Variants in KIAA1217 observed in about 807,000 individuals in gnomAD.
The protein encoded by KIAA1217 is KIAA1217.
Under a neutral mutation model 163.9 loss-of-function variants are expected in KIAA1217, and 88 were observed. The observed-to-expected ratio is 0.54, with a 90% CI of 0.45 to 0.64. The LOEUF (loss-of-function observed/expected upper bound fraction) is 0.64. Ranked by LOEUF, KIAA1217 falls within the 30% of genes least tolerant of loss-of-function variation. The pLI, the probability that KIAA1217 is intolerant of heterozygous loss-of-function variation, is 0.00. For missense variants in KIAA1217, 2,372 were observed against 2,475.0 expected, an observed-to-expected ratio of 0.96 and a Z score of 0.88; for synonymous variants, 903 against 923.1, an observed-to-expected ratio of 0.98 and a Z score of 0.39.
At chr10:23,812,959 T>C (rs1837141691) in intron 1 of KIAA1217, among the ~76,000 whole-genome samples, 2 of 150,464 alleles carry the variant, frequency 1.3e-5, no homozygotes, top group African/African-American at 5.0e-5. Context: ...GGTGTAAACA[T>C]AGGAAAGGAA....
chr10:24,419,189 A>G (rs1402276338), intron 3 of KIAA1217, among the ~76,000 whole-genome samples: 2 of 151,408 alleles, frequency 1.3e-5, no homozygotes, highest in East Asian at 1.9e-4. Context: ...AAAAAAAAAA[A>G]AGAAAGAAAA....
chr10:23,874,639 A>G (rs1463402432), intron 1 of KIAA1217, among the ~76,000 whole-genome samples: 3 of 151,978 alleles, frequency 2.0e-5, no homozygotes, highest in African/African-American at 7.2e-5. Flanking sequence ...TCTTTTTTAA[A>G]CCACCTGATG....
chr10:24,282,670 C>G (rs746287743), intron 2 of KIAA1217, among the ~76,000 whole-genome samples: 2 of 151,830 alleles, frequency 1.3e-5, no homozygotes, highest in African/African-American at 2.4e-5. Context: ...TTTGTGGGTT[C>G]TTTGTTTTTT....
chr10:24,497,138 C>T (rs781077853), intron 8 of KIAA1217, among the ~76,000 whole-genome samples: 2 of 152,184 alleles, frequency 1.3e-5, no homozygotes, highest in Non-Finnish European at 2.9e-5. Context: ...GCTAGGAAGT[C>T]AGCTACAAGA....
chr10:23,934,570 T>C (rs1470141206), intron 1 of KIAA1217, among the ~76,000 whole-genome samples: 11 of 78,010 alleles, frequency 1.4e-4, no homozygotes, highest in African/African-American at 2.6e-4. Context: ...TATATATATA[T>C]ATATATATAT....
At chr10:23,838,469 T>A (rs542250992) in intron 1 of KIAA1217, among the ~76,000 whole-genome samples, 1 of 152,116 alleles carries the variant, frequency 6.6e-6, no homozygotes, top group South Asian at 2.1e-4. Context: ...TCCTGTTTTT[T>A]TTTTCTTTTT....
intron 2 of KIAA1217, among the ~76,000 whole-genome samples, chr10:24,282,781 G>C (rs12262017): frequency 0.024 from 3,455 of 142,156 alleles, 137 homozygotes; most frequent in African/African-American, 0.084. Context: ...TCTCTAAGGA[G>C]TTCTAAACCA....
intron 2 of KIAA1217, among the ~76,000 whole-genome samples, chr10:24,191,334 G>A (rs2066709293): frequency 6.6e-6 from 1 of 152,188 alleles, no homozygotes; most frequent in African/African-American, 2.4e-5. Context: ...CAATAGGAAA[G>A]TTCTCCATTC....
chr10:24,026,265 A>G (rs752046908), intron 2 of KIAA1217, among the ~76,000 whole-genome samples: 26 of 151,824 alleles, frequency 1.7e-4, no homozygotes, highest in Non-Finnish European at 3.2e-4. Context: ...TCTTGATATC[A>G]TGATAATTCT....
intron 1 of KIAA1217, among the ~76,000 whole-genome samples, chr10:23,982,041 G>A (rs1283216921): frequency 2.0e-5 from 3 of 151,780 alleles, no homozygotes; most frequent in African/African-American, 7.3e-5. Flanking sequence ...GGAACTGGCT[G>A]CTGTAGTAGT....
intron 2 of KIAA1217, among the ~76,000 whole-genome samples, chr10:24,237,660 T>C (rs2072473694): frequency 6.6e-6 from 1 of 152,246 alleles, no homozygotes; most frequent in Non-Finnish European, 1.5e-5. Context: ...TCTTCAGATT[T>C]GACTGAATCA....
intron 2 of KIAA1217, among the ~76,000 whole-genome samples, chr10:24,105,814 T>C (rs1156577466): frequency 6.6e-6 from 1 of 152,200 alleles, no homozygotes; most frequent in Non-Finnish European, 1.5e-5. Flanking sequence ...GAATGGAAGC[T>C]ATGGCAACCA....
chr10:24,286,928 G>A (rs1446756253), intron 2 of KIAA1217, among the ~76,000 whole-genome samples: 3 of 152,148 alleles, frequency 2.0e-5, no homozygotes, highest in Admixed American at 2.0e-4. Context: ...TCAGTCATGG[G>A]GGAGTCTAAT....
At chr10:24,502,240 C>CTTTTTTTTTTTTTTTTT (rs772404852) in intron 9 of KIAA1217, among the ~76,000 whole-genome samples, 6 of 80,632 alleles carry the variant, frequency 7.4e-5, no homozygotes, top group East Asian at 4.1e-4. Flanking sequence ...GTCAGCCAAG[C>CTTTTTTTTTTTTTTTTT]TTTTTTTTTT....
At chr10:23,852,364 A>G (rs1249260308) in intron 1 of KIAA1217, among the ~76,000 whole-genome samples, 4 of 152,110 alleles carry the variant, frequency 2.6e-5, no homozygotes, top group African/African-American at 9.7e-5. Context: ...GTTCTGTTCC[A>G]TTGATCTATA....
At chr10:23,793,018 A>G (rs899707995) in intron 1 of KIAA1217, among the ~76,000 whole-genome samples, 2 of 149,564 alleles carry the variant, frequency 1.3e-5, no homozygotes, top group African/African-American at 5.0e-5. Flanking sequence ...ATTTTCCAGG[A>G]AACATCATCA....
chr10:24,445,255 G>A (rs970836766), intron 5 of KIAA1217, among the ~76,000 whole-genome samples: 3 of 151,984 alleles, frequency 2.0e-5, no homozygotes, highest in African/African-American at 7.2e-5. Flanking sequence ...GTTTCTGCTT[G>A]TTTATACACA....
chr10:24,517,896 G>A (rs944736466), intron 10 of KIAA1217, among the ~76,000 whole-genome samples: 3 of 152,194 alleles, frequency 2.0e-5, no homozygotes, highest in Non-Finnish European at 4.4e-5. Flanking sequence ...TCAGCAGGCT[G>A]AGGCAAGAGA....
chr10:24,370,478 T>C (rs546055260), intron 2 of KIAA1217, among the ~76,000 whole-genome samples: 1 of 152,318 alleles, frequency 6.6e-6, no homozygotes, highest in Admixed American at 6.5e-5. Flanking sequence ...ATCATATTCT[T>C]TGTTTCAAAT....
Sources: gnomAD v4.1 joint callset for allele counts (sites outside exome capture counted in the v4.1 genomes callset) on GRCh38, gnomAD v4.1.1 for gene constraint, MANE v1.5 for transcripts, NCBI Gene and HGNC (gene_info 2026-07-23, HGNC 2026-07-21) for gene names.